Variants in SDK1 observed in about 807,000 individuals in gnomAD.
SDK1 encodes protein sidekick-1.
Under a neutral mutation model 245.5 loss-of-function variants are expected in SDK1, and 157 were observed. That is an observed-to-expected ratio of 0.64 (90% CI 0.56 to 0.73). SDK1 has a LOEUF of 0.73. Ranked by LOEUF, SDK1 falls within the 30% of genes least tolerant of loss-of-function variation. The pLI, the probability that SDK1 is intolerant of heterozygous loss-of-function variation, is 0.00. For missense variants in SDK1, 3,583 were observed against 3,002.3 expected, an observed-to-expected ratio of 1.19 and a Z score of -4.52; for synonymous variants, 1,647 against 1,278.5, an observed-to-expected ratio of 1.29 and a Z score of -6.15.
chr7:3,628,961 C>G (rs1782201965), intron 2 of SDK1, among the ~76,000 whole-genome samples: 1 of 151,830 alleles, frequency 6.6e-6, no homozygotes, highest in Non-Finnish European at 1.5e-5. Flanking sequence ...TTGGAAAGAT[C>G]AAGGCAGCTA....
At chr7:3,545,225 G>A (rs968687438) in intron 1 of SDK1, among the ~76,000 whole-genome samples, 3 of 152,148 alleles carry the variant, frequency 2.0e-5, no homozygotes, top group African/African-American at 7.2e-5. Context: ...GAACTATGAG[G>A]AATGGGGAAA....
chr7:4,144,426 G>A (rs532501368), intron 28 of SDK1, among the ~76,000 whole-genome samples: 1 of 152,120 alleles, frequency 6.6e-6, no homozygotes, highest in Admixed American at 6.5e-5. Context: ...AGGGCAGGGC[G>A]TGTGTCCCTG....
intron 4 of SDK1, among the ~76,000 whole-genome samples, chr7:3,707,147 T>C (rs1784915063): frequency 6.6e-6 from 1 of 152,224 alleles, no homozygotes; most frequent in African/African-American, 2.4e-5. Context: ...TGACATTAGA[T>C]TGTCAATTTA....
chr7:4,178,423 A>C, intron 34 of SDK1, 62 bp from the exon 35 acceptor site: 1 of 1,228,550 alleles, frequency 8.1e-7, no homozygotes, highest in Non-Finnish European at 1.2e-6. Flanking sequence ...CATAGGGGGA[A>C]CTTTGGAGAA....
At chr7:4,013,136 G>C (rs1786121708) in intron 16 of SDK1, among the ~76,000 whole-genome samples, 1 of 152,182 alleles carries the variant, frequency 6.6e-6, no homozygotes, top group African/African-American at 2.4e-5. Context: ...GGCCAGATGT[G>C]GCTGAAGGGT....
intron 12 of SDK1, among the ~76,000 whole-genome samples, chr7:3,973,147 G>A (rs1218420291): frequency 6.6e-6 from 1 of 152,148 alleles, no homozygotes; most frequent in Non-Finnish European, 1.5e-5. Flanking sequence ...CTCGTCCCAG[G>A]GTTGCTCTGC....
At chr7:4,153,054 C>T (rs1338825350) in intron 30 of SDK1, among the ~76,000 whole-genome samples, 1 of 152,018 alleles carries the variant, frequency 6.6e-6, no homozygotes, top group Non-Finnish European at 1.5e-5. Context: ...AGTGGCTGTG[C>T]GGGCTCAGGG....
intron 4 of SDK1, among the ~76,000 whole-genome samples, chr7:3,779,481 A>T (rs1296650399): frequency 6.6e-6 from 1 of 152,086 alleles, no homozygotes; most frequent in African/African-American, 2.4e-5. Flanking sequence ...ACAAGGACAA[A>T]TTTAACCAAA....
intron 1 of SDK1, among the ~76,000 whole-genome samples, chr7:3,410,192 A>C (rs2128577074): frequency 6.6e-6 from 1 of 152,316 alleles, no homozygotes; most frequent in South Asian, 2.1e-4. Context: ...CTAATCTGAA[A>C]CATTTTGAGC....
At chr7:4,221,615 G>A (rs901822178) in intron 40 of SDK1, among the ~76,000 whole-genome samples, 1 of 152,182 alleles carries the variant, frequency 6.6e-6, no homozygotes, top group Non-Finnish European at 1.5e-5. Context: ...ACTTACTTAG[G>A]ATGATAATGG....
chr7:3,994,023 A>G (rs1322785770), intron 14 of SDK1, among the ~76,000 whole-genome samples: 1 of 151,758 alleles, frequency 6.6e-6, no homozygotes, highest in East Asian at 1.9e-4. Context: ...TCTCCTCTCT[A>G]TCCATTTTCT....
intron 16 of SDK1, among the ~76,000 whole-genome samples, chr7:4,014,674 G>A (rs1432939242): frequency 6.6e-6 from 1 of 152,142 alleles, no homozygotes; most frequent in Admixed American, 6.5e-5. Flanking sequence ...AATAGGGAGG[G>A]TGTTTCTTTG....
At chr7:3,777,707 C>A (rs1373992250) in intron 4 of SDK1, among the ~76,000 whole-genome samples, 1 of 152,180 alleles carries the variant, frequency 6.6e-6, no homozygotes, top group East Asian at 1.9e-4. Context: ...CATGCCACAC[C>A]ACACTGCCCA....
intron 35 of SDK1, among the ~76,000 whole-genome samples, chr7:4,194,108 C>G (rs910368910): frequency 6.6e-6 from 1 of 152,052 alleles, no homozygotes; most frequent in Non-Finnish European, 1.5e-5. Context: ...AGAACTCCAT[C>G]CTGAATATTC....
At chr7:3,686,475 C>A (rs183818775) in intron 4 of SDK1, among the ~76,000 whole-genome samples, 65 of 152,310 alleles carry the variant, frequency 4.3e-4, no homozygotes, top group Middle Eastern at 3.4e-3. Context: ...AGAAAGTATA[C>A]TCATGGGCTG....
At chr7:3,603,200 T>G (rs566502527) in intron 1 of SDK1, among the ~76,000 whole-genome samples, 4 of 138,282 alleles carry the variant, frequency 2.9e-5, no homozygotes, top group Non-Finnish European at 4.7e-5. Context: ...TTAAAGTAGT[T>G]TTTTCCAATT....
At chr7:3,942,395 A>G (rs1355540251) in intron 5 of SDK1, among the ~76,000 whole-genome samples, 2 of 152,208 alleles carry the variant, frequency 1.3e-5, no homozygotes, top group Non-Finnish European at 2.9e-5. Context: ...GCAGCTTGAG[A>G]GGGATCCCTT....
chr7:3,723,225 G>T (rs1404041518), intron 4 of SDK1, among the ~76,000 whole-genome samples: 1 of 152,206 alleles, frequency 6.6e-6, no homozygotes, highest in Non-Finnish European at 1.5e-5. Flanking sequence ...AAATGAGACA[G>T]TAAATAAGTT....
At chr7:3,720,109 T>C (rs898413291) in intron 4 of SDK1, among the ~76,000 whole-genome samples, 5 of 151,972 alleles carry the variant, frequency 3.3e-5, no homozygotes, top group South Asian at 2.1e-4. Flanking sequence ...TTAAAAACTT[T>C]TATGAATGAC....
Sources: allele counts gnomAD v4.1 joint callset (sites outside exome capture counted in the v4.1 genomes callset), GRCh38; gene constraint gnomAD v4.1.1; transcripts MANE v1.5; gene names NCBI Gene and HGNC (gene_info 2026-07-23, HGNC 2026-07-21).